The following CA10 variants were observed in gnomAD, a reference collection of about 807,000 sequenced individuals.
The protein encoded by CA10 is carbonic anhydrase 10 (inactive), also known as carbonic anhydrase-related protein 10.
In CA10, 14 loss-of-function variants were observed where a neutral mutation model predicts 44.2. That is an observed-to-expected ratio of 0.32 (90% CI 0.21 to 0.50). The LOEUF (loss-of-function observed/expected upper bound fraction) is 0.50, where lower values mean the gene tolerates loss of function less well. Among genes scored for constraint, CA10 ranks in the 20% least tolerant of loss-of-function variants. The pLI is 0.99. For missense variants in CA10, 350 were observed against 409.7 expected (o/e 0.85, Z 1.26); for synonymous variants, 159 against 141.6 (o/e 1.12, Z -0.87).
At chr17:51,743,650 G>T (rs1009333911) in intron 4 of CA10, among the ~76,000 whole-genome samples, 2 of 152,152 alleles carry the variant, frequency 1.3e-5, no homozygotes, top group Non-Finnish European at 2.9e-5. Context: ...TTCAGATAAC[G>T]ACTGTTGCAC....
At position 51,887,973 on chromosome 17, in the gene CA10, C is replaced by T. The variant is rs1003381956; in HGVS notation, c.279+43017G>A. ...CCAGGAGGCAGAGGTTGCAGTAAGC[C>T]GAGATTGCGCCACTGCACTCCAGTC... On this transcript the variant is annotated intron_variant, in intron 3 of 8. Coordinates refer to ENST00000451037, the MANE Select transcript of CA10 (RefSeq NM_020178.5). 4.6e-5 allele frequency among the ~76,000 whole-genome samples: 7 copies of T among 151,926 alleles called. No individual in the cohort carries two copies. The South Asian group carries it at 6.2e-4, about 14-fold the overall frequency.
chr17:51,844,845 C>T (rs925858638), intron 3 of CA10, among the ~76,000 whole-genome samples: 1 of 152,088 alleles, frequency 6.6e-6, no homozygotes, highest in Non-Finnish European at 1.5e-5. Flanking sequence ...CCACACCCAC[C>T]GCACAAATTT....
chr17:52,150,310 C>T (rs531402415), intron 1 of CA10, among the ~76,000 whole-genome samples: 1 of 152,224 alleles, frequency 6.6e-6, no homozygotes, highest in East Asian at 1.9e-4. Context: ...TCAGATGTCC[C>T]TTCTCTCTTC....
chr17:52,055,924 T>C (rs1428267707), intron 2 of CA10, among the ~76,000 whole-genome samples: 2 of 152,152 alleles, frequency 1.3e-5, no homozygotes, highest in Non-Finnish European at 2.9e-5. Context: ...CTACACCCTG[T>C]GAATTTCAGG....
At chr17:51,778,479 A>G (rs1905918188) in intron 3 of CA10, among the ~76,000 whole-genome samples, 1 of 152,224 alleles carries the variant, frequency 6.6e-6, no homozygotes, top group Admixed American at 6.5e-5. Flanking sequence ...GCCACCGAAT[A>G]GGTGATCCAG....
At chr17:51,839,408 G>A (rs1199056395) in intron 3 of CA10, among the ~76,000 whole-genome samples, 2 of 147,368 alleles carry the variant, frequency 1.4e-5, no homozygotes, top group Admixed American at 7.0e-5. Context: ...CAGGAGAATG[G>A]CATGAACCTG....
chr17:51,992,579 A>G, intron 2 of CA10, among the ~76,000 whole-genome samples: 1 of 152,142 alleles, frequency 6.6e-6, no homozygotes, highest in East Asian at 1.9e-4. Context: ...GTTCTTCACC[A>G]GTTCTCTAAA....
In CA10 at chr17:51,963,434, T is replaced by C. The variant is rs553205002; in HGVS notation, c.137-32302A>G. 4.6e-5 allele frequency among the ~76,000 whole-genome samples: 7 copies of C among 152,184 alleles called. No individual in the cohort carries two copies. In the South Asian group the frequency reaches 6.2e-4, roughly 14 times the overall value. On this transcript the variant is annotated intron_variant, in intron 2 of 8. Transcript: ENST00000451037. ...TCCAGAGAACACTTGCAGTATCCCA[T>C]GCAAAATGAACATCACCAAAGCAGT...
At chr17:51,916,405 G>A (rs1232033461) in intron 3 of CA10, among the ~76,000 whole-genome samples, 1 of 152,190 alleles carries the variant, frequency 6.6e-6, no homozygotes, top group Non-Finnish European at 1.5e-5. Context: ...ACCTGGAATT[G>A]TAGCTCCCAC....
chr17:51,643,747 C>T (rs913936086), intron 6 of CA10, among the ~76,000 whole-genome samples: 5 of 152,180 alleles, frequency 3.3e-5, no homozygotes, highest in Admixed American at 2.0e-4. Flanking sequence ...CAACCTGCCT[C>T]CTCCCCTGAG....
At chr17:51,839,256 T>A (rs922453757) in intron 3 of CA10, among the ~76,000 whole-genome samples, 2 of 151,698 alleles carry the variant, frequency 1.3e-5, no homozygotes, top group African/African-American at 4.8e-5. Flanking sequence ...ACTTTGGGAG[T>A]CCAAGGTGGG....
chr17:51,750,751 T>C (rs752328972), intron 3 of CA10, among the ~76,000 whole-genome samples: 2 of 152,326 alleles, frequency 1.3e-5, no homozygotes, highest in Admixed American at 6.5e-5. Flanking sequence ...CATTCTGTGG[T>C]ATAAAAGGCA....
At chr17:52,108,190 TTTTTTATATA>T (rs1567735830) in intron 1 of CA10, among the ~76,000 whole-genome samples, 7 of 79,056 alleles carry the variant, frequency 8.9e-5, no homozygotes, top group Admixed American at 4.0e-4. Context: ...TATATATATA[TTTTTTATATA>T]TATATATATA....
At chr17:52,057,657 A>G (rs939671213) in intron 2 of CA10, among the ~76,000 whole-genome samples, 4 of 151,860 alleles carry the variant, frequency 2.6e-5, no homozygotes, top group African/African-American at 4.8e-5. Flanking sequence ...TATTGTTAAA[A>G]CTCAACAGTA....
At chr17:51,644,188 T>C (rs1383489014) in intron 6 of CA10, among the ~76,000 whole-genome samples, 2 of 150,704 alleles carry the variant, frequency 1.3e-5, no homozygotes, top group Admixed American at 6.6e-5. Flanking sequence ...TTTTTTTTCC[T>C]GGTCATTCAT....
chr17:51,782,275 T>C (rs1043495776), intron 3 of CA10, among the ~76,000 whole-genome samples: 2 of 152,260 alleles, frequency 1.3e-5, no homozygotes, highest in Non-Finnish European at 2.9e-5. Flanking sequence ...AATATTTTTA[T>C]CTGTTTATAT....
intron 3 of CA10, among the ~76,000 whole-genome samples, chr17:51,816,486 C>T (rs1047460950): frequency 6.6e-6 from 1 of 152,100 alleles, no homozygotes; most frequent in Non-Finnish European, 1.5e-5. Context: ...TTTGGAGGAA[C>T]CTCCAAACTG....
chr17:51,931,035 G>T lies in CA10; in HGVS notation c.234C>A (p.Phe78Leu), dbSNP rs201633277. Residue 78 changes from phenylalanine (F) to leucine (L), a missense_variant, in exon 3 of 9, where the codon TTC (phenylalanine) becomes TTA (leucine). Coordinates refer to ENST00000451037, the MANE Select transcript of CA10 (RefSeq NM_020178.5). ...PVNIETSHMI[F>L]DPFLTPLRIN... is the part of the protein sequence containing the mutation. ...TGCGAAGAGGTGTCAGAAAGGGGTCGAAGATCATGTGACTGGTCTCTATGT... is the reference window on the plus strand; with the variant it reads ...TGCGAAGAGGTGTCAGAAAGGGGTCTAAGATCATGTGACTGGTCTCTATGT... 5 of 1,613,438 alleles carry T rather than the reference G, an allele frequency of 3.1e-6. No individual in the cohort carries two copies. The African/African-American group carries it at 6.7e-5, about 22-fold the overall frequency.
At chr17:51,883,325 T>C (rs1306360936) in intron 3 of CA10, among the ~76,000 whole-genome samples, 1 of 152,048 alleles carries the variant, frequency 6.6e-6, no homozygotes, top group East Asian at 1.9e-4. Context: ...CTTCCCAACT[T>C]AAAAAAAATC....
Sources: gnomAD v4.1 joint callset for allele counts (sites outside exome capture counted in the v4.1 genomes callset) on GRCh38, gnomAD v4.1.1 for gene constraint, MANE v1.5 for transcripts, NCBI Gene and HGNC (gene_info 2026-07-23, HGNC 2026-07-21) for gene names.